The following SPAG16 variants were observed in gnomAD, a reference collection of about 807,000 sequenced individuals.
The protein encoded by SPAG16 is sperm associated antigen 16, also known as sperm-associated antigen 16 protein.
In SPAG16, 86 loss-of-function variants were observed where a neutral mutation model predicts 80.4. The observed-to-expected ratio is 1.07, with a 90% CI of 0.90 to 1.28. The LOEUF is 1.28. Ranked by LOEUF, SPAG16 falls within the 50% of genes most tolerant of loss-of-function variation. The probability of loss-of-function intolerance (pLI) is 0.00; values close to 1 mark genes in which losing one functional copy is unlikely to be tolerated. For synonymous variants in SPAG16, 294 were observed against 265.9 expected (o/e 1.11, Z -1.03); for missense variants, 870 against 765.3 (o/e 1.14, Z -1.61).
At chr2:214,059,041 A>G (rs1265971029) in intron 13 of SPAG16, among the ~76,000 whole-genome samples, 2 of 151,782 alleles carry the variant, frequency 1.3e-5, no homozygotes, top group East Asian at 1.9e-4. Flanking sequence ...AGTCAGTACA[A>G]TGGTTTTACC....
chr2:214,033,462 G>A (rs919409939), intron 13 of SPAG16, among the ~76,000 whole-genome samples: 1 of 152,116 alleles, frequency 6.6e-6, no homozygotes, highest in African/African-American at 2.4e-5. Context: ...AGAGGGGGCT[G>A]GAAGACAATA....
chr2:214,198,070 A>G (rs2125712867), intron 15 of SPAG16, among the ~76,000 whole-genome samples: 1 of 152,146 alleles, frequency 6.6e-6, no homozygotes, highest in East Asian at 1.9e-4. Flanking sequence ...ATGGTAGCAG[A>G]ATTGACCTCT....
At chr2:213,296,295 A>G (rs565278707) in intron 2 of SPAG16, among the ~76,000 whole-genome samples, 185 bp downstream of exon 2, 1 of 152,336 alleles carries the variant, frequency 6.6e-6, no homozygotes, top group East Asian at 1.9e-4. Context: ...TTAAACATTT[A>G]AATTGGAAAA....
intron 10 of SPAG16, among the ~76,000 whole-genome samples, chr2:213,762,557 A>T (rs2068721186): frequency 6.6e-6 from 1 of 152,236 alleles, no homozygotes; most frequent in East Asian, 1.9e-4. Context: ...AGTTGTTTCA[A>T]CAAATGAATT....
chr2:213,647,545 A>G (rs1044137110), intron 10 of SPAG16, among the ~76,000 whole-genome samples: 5 of 150,364 alleles, frequency 3.3e-5, no homozygotes, highest in Non-Finnish European at 7.4e-5. Flanking sequence ...CTTTGTTTTC[A>G]CAACAGGCAG....
intron 6 of SPAG16, among the ~76,000 whole-genome samples, chr2:213,347,587 C>A (rs2065070960): frequency 1.3e-5 from 2 of 152,178 alleles, no homozygotes; most frequent in African/African-American, 4.8e-5. Flanking sequence ...TATGTTGTAT[C>A]TTTGTTCTCA....
chr2:213,718,022 C>T (rs963823788), intron 10 of SPAG16, among the ~76,000 whole-genome samples: 3 of 151,968 alleles, frequency 2.0e-5, no homozygotes, highest in African/African-American at 7.3e-5. Context: ...TAAATAGCTT[C>T]TGCACAGCAA....
chr2:213,642,085 G>A (rs1254835617), intron 10 of SPAG16, among the ~76,000 whole-genome samples: 1 of 152,118 alleles, frequency 6.6e-6, no homozygotes, highest in Non-Finnish European at 1.5e-5. Flanking sequence ...ATGAGATTTG[G>A]GTGGGGACAC....
rs565054552 is a variant in SPAG16 at position 213,788,114 on chromosome 2, G to C, written c.1071-74371G>C. Among the ~76,000 whole-genome samples, 8 of 152,000 alleles carry C rather than the reference G, an allele frequency of 5.3e-5. No homozygotes were observed. The South Asian group carries it at 1.5e-3, about 28-fold the overall frequency. ...TGAAAGATTTAGGTTTGACTCAGCAGTTTCGATCACTCATTCTAAGAAATT... is the reference window on the plus strand; with the variant it reads ...TGAAAGATTTAGGTTTGACTCAGCACTTTCGATCACTCATTCTAAGAAATT... On this transcript the variant is annotated intron_variant, in intron 10 of 15. Transcript: ENST00000331683.
intron 12 of SPAG16, among the ~76,000 whole-genome samples, chr2:213,942,723 A>T (rs561906995): frequency 6.6e-6 from 1 of 152,306 alleles, no homozygotes. Context: ...ACTTACTATT[A>T]TATCATTGAC....
intron 13 of SPAG16, among the ~76,000 whole-genome samples, chr2:214,080,784 C>T (rs1317518434): frequency 6.6e-6 from 1 of 152,042 alleles, no homozygotes; most frequent in African/African-American, 2.4e-5. Context: ...TCAAAACAAA[C>T]ATAACCTTTA....
intron 13 of SPAG16, among the ~76,000 whole-genome samples, chr2:214,099,482 T>G (rs2052842901): frequency 6.6e-6 from 1 of 152,120 alleles, no homozygotes; most frequent in Non-Finnish European, 1.5e-5. Context: ...TCCAATAAGC[T>G]GAGTTTTAAA....
chr2:213,304,004 G>A (rs1044823835), intron 3 of SPAG16, among the ~76,000 whole-genome samples: 3 of 151,940 alleles, frequency 2.0e-5, no homozygotes, highest in African/African-American at 7.3e-5. Flanking sequence ...TCCACTAATG[G>A]TGTACGAGGG....
At chr2:213,742,223 C>G (rs1250074458) in intron 10 of SPAG16, among the ~76,000 whole-genome samples, 1 of 151,804 alleles carries the variant, frequency 6.6e-6, no homozygotes, top group Non-Finnish European at 1.5e-5. Context: ...TTGGAACTTA[C>G]AGATTGTTTA....
chr2:214,337,802 G>A (rs972393118), intron 15 of SPAG16, among the ~76,000 whole-genome samples: 3 of 152,074 alleles, frequency 2.0e-5, no homozygotes, highest in Non-Finnish European at 4.4e-5. Context: ...AAAACTCAGG[G>A]CTTCCTTTCT....
rs371141896 is a variant in SPAG16, at chr2:213,301,999, A to G, written c.279+4642A>G. On this transcript the variant is annotated intron_variant, in intron 3 of 15. Coordinates refer to ENST00000331683, the MANE Select transcript of SPAG16 (RefSeq NM_024532.5). ...TAAGGCAAGGGAAATATTCTTCTCC[A>G]TTGTGTATCACTTCACCTAGCAGAT... Among the ~76,000 whole-genome samples, 12 of 152,252 alleles carry G rather than the reference A, an allele frequency of 7.9e-5. No homozygotes were observed. The South Asian group carries it at 2.5e-3, about 32-fold the overall frequency.
At chr2:213,702,182 G>C (rs1390542274) in intron 10 of SPAG16, among the ~76,000 whole-genome samples, 3 of 152,272 alleles carry the variant, frequency 2.0e-5, no homozygotes, top group African/African-American at 4.8e-5. Flanking sequence ...CCAATCAGCT[G>C]TCTGTAAAGT....
At chr2:213,396,027 C>G (rs199992890) in intron 9 of SPAG16, among the ~76,000 whole-genome samples, 2 of 94,640 alleles carry the variant, frequency 2.1e-5, no homozygotes, top group Admixed American at 2.1e-4. Flanking sequence ...TCTGGACTTT[C>G]TTTTATGTTT....
rs144116152 is a variant in SPAG16 at position 214,256,860 on chromosome 2, C to T, written c.1720+107594C>T. Among the ~76,000 whole-genome samples, 8 of 151,994 alleles carry T rather than the reference C, an allele frequency of 5.3e-5. No homozygotes were observed. The East Asian group carries it at 1.5e-3, about 29-fold the overall frequency. ...TAAAGTCAAACGGTTAGAAGTCCTC[C>T]AAAGCTGTTTTTCTTTTCAAGATTC... is the stretch of plus-strand genomic sequence containing the variant. On this transcript the variant is annotated intron_variant, in intron 15 of 15. Transcript: ENST00000331683.
Sources: allele counts gnomAD v4.1 joint callset (sites outside exome capture counted in the v4.1 genomes callset), GRCh38; gene constraint gnomAD v4.1.1; transcripts MANE v1.5; gene names NCBI Gene and HGNC (gene_info 2026-07-23, HGNC 2026-07-21).